The following MED12L variants were observed in gnomAD, a reference collection of about 807,000 sequenced individuals.
The protein encoded by MED12L is mediator of RNA polymerase II transcription subunit 12-like protein.
A neutral mutation model predicts 281.3 loss-of-function variants in MED12L; 60 were observed. That is an observed-to-expected ratio of 0.21 (90% confidence interval 0.17 to 0.26). MED12L has a LOEUF of 0.26. Ranked by LOEUF, MED12L falls within the 10% of genes least tolerant of loss-of-function variation. The pLI is 1.00. For missense variants in MED12L, 2,146 were observed against 2,680.9 expected, an observed-to-expected ratio of 0.80 and a Z score of 4.41; for synonymous variants, 974 against 987.2, an observed-to-expected ratio of 0.99 and a Z score of 0.25.
intron 2 of MED12L, among the ~76,000 whole-genome samples, chr3:151,101,513 G>A (rs770692820): frequency 3.9e-5 from 6 of 152,142 alleles, no homozygotes; most frequent in Admixed American, 2.6e-4. Flanking sequence ...AGAATGCTGC[G>A]TGAGTTCAGA....
intron 2 of MED12L, among the ~76,000 whole-genome samples, chr3:151,102,420 G>A (rs562342345): frequency 6.6e-6 from 1 of 152,222 alleles, no homozygotes; most frequent in East Asian, 1.9e-4. Context: ...AAAATTATAC[G>A]TTTAGCCCGT....
At chr3:151,118,313 C>T (rs1188632911) in intron 3 of MED12L, among the ~76,000 whole-genome samples, 1 of 152,094 alleles carries the variant, frequency 6.6e-6, no homozygotes, top group Non-Finnish European at 1.5e-5. Context: ...TTCCAGATCT[C>T]TCTTTATGTG....
chr3:151,092,103 G>A (rs1190440884), intron 2 of MED12L, among the ~76,000 whole-genome samples: 2 of 152,190 alleles, frequency 1.3e-5, no homozygotes, highest in African/African-American at 4.8e-5. Context: ...AACTTGCTGT[G>A]TGGTGGGACC....
At chr3:151,198,829 T>G in intron 16 of MED12L, 1 of 1,613,416 alleles carries the variant, frequency 6.2e-7, no homozygotes, top group Middle Eastern at 1.6e-4. Context: ...TTAAAAATAT[T>G]GCTACACATA....
intron 16 of MED12L, among the ~76,000 whole-genome samples, chr3:151,312,415 T>A (rs894469604): frequency 3.9e-5 from 6 of 152,226 alleles, no homozygotes; most frequent in African/African-American, 1.4e-4. Context: ...TACAGGGACT[T>A]CAGATCATTT....
intron 17 of MED12L, among the ~76,000 whole-genome samples, chr3:151,354,896 T>C (rs1276389028): frequency 6.6e-6 from 1 of 152,170 alleles, no homozygotes; most frequent in African/African-American, 2.4e-5. Context: ...TGTCAGGATT[T>C]TGATCTCCTA....
intron 16 of MED12L, among the ~76,000 whole-genome samples, chr3:151,230,504 A>G (rs1284014109): frequency 6.6e-6 from 1 of 151,210 alleles, no homozygotes; most frequent in Non-Finnish European, 1.5e-5. Context: ...TATACACTAC[A>G]CTTTGATGCT....
chr3:151,176,446 T>C (rs1256898587), intron 11 of MED12L, among the ~76,000 whole-genome samples: 3 of 152,230 alleles, frequency 2.0e-5, no homozygotes, highest in Non-Finnish European at 4.4e-5. Flanking sequence ...TAAACATATA[T>C]GAACACTTAA....
At chr3:151,430,266 T>A in intron 43 of MED12L, 33 bp from the exon 44 acceptor site, 1 of 1,613,140 alleles carries the variant, frequency 6.2e-7, no homozygotes, top group Non-Finnish European at 8.5e-7. Context: ...CACCATGGAA[T>A]GATTTCTGTC....
chr3:151,387,798 A>G lies in MED12L; in HGVS notation c.5089-12A>G, dbSNP rs1006093434. Reference sequence around the variant, plus strand: ...TCTGAGTGTGCTATCTTAGAGCGCTATTTTCCCACAGGGTCTCCAGGTCTC... The same window carrying G: ...TCTGAGTGTGCTATCTTAGAGCGCTGTTTTCCCACAGGGTCTCCAGGTCTC... On this transcript the variant is annotated splice_polypyrimidine_tract_variant and intron_variant, in intron 36 of 44. Transcript: ENST00000687756. The G allele has an allele frequency of 1.3e-5, 21 of 1,600,632 alleles. No individual in the cohort carries two copies. Among genetic ancestry groups the G allele is most frequent in the African/African-American group, 4.0e-5 (3 of 74,520 alleles).
chr3:151,348,180 T>G (rs889487797), intron 16 of MED12L, among the ~76,000 whole-genome samples: 34 of 151,928 alleles, frequency 2.2e-4, no homozygotes, highest in African/African-American at 6.8e-4. Context: ...TATGCTACAG[T>G]CATCAGCCTT....
At position 151,385,145 on chromosome 3, in the gene MED12L, C is replaced by A; in HGVS notation, c.5042C>A (p.Thr1681Lys). 1 of 1,599,062 alleles carries A rather than the reference C, an allele frequency of 6.3e-7. No homozygotes were observed. The highest frequency in any genetic ancestry group is 8.5e-7 in the Non-Finnish European group (1 of 1,173,188). The change falls in exon 36 of 45, where the codon ACA becomes AAA. Residue 1681 changes from threonine (T) to lysine (K), a missense_variant. Transcript: ENST00000687756. ...GAACCTATGGGTTCCTTGATTGACA[C>A]AAAAGGAAACAAAATTGCTGGATTT... ...TCEPMGSLID[T>K]KGNKIAGFDS... is the part of the protein sequence containing the mutation.
intron 16 of MED12L, among the ~76,000 whole-genome samples, chr3:151,281,038 G>A (rs1471953323): frequency 1.3e-5 from 2 of 151,246 alleles, no homozygotes; most frequent in Non-Finnish European, 2.9e-5. Context: ...AAGTATTAAT[G>A]TTTGAAAAAA....
At chr3:151,317,558 C>G (rs543910605) in intron 16 of MED12L, among the ~76,000 whole-genome samples, 1 of 140,608 alleles carries the variant, frequency 7.1e-6, no homozygotes, top group Non-Finnish European at 1.5e-5. Context: ...TCAAGTGATT[C>G]TCCTGCCTCA....
intron 11 of MED12L, among the ~76,000 whole-genome samples, chr3:151,172,750 T>C (rs1721589425): frequency 6.6e-6 from 1 of 152,182 alleles, no homozygotes; most frequent in African/African-American, 2.4e-5. Context: ...GCAAGGAAAA[T>C]GTGCATGGAT....
intron 3 of MED12L, among the ~76,000 whole-genome samples, chr3:151,119,486 T>C (rs1203079297): frequency 6.6e-6 from 1 of 152,150 alleles, no homozygotes; most frequent in Non-Finnish European, 1.5e-5. Context: ...CCGTGGTGTC[T>C]CCTCTTATAA....
chr3:151,127,763 G>A (rs1714748051), intron 4 of MED12L, 62 bp from the exon 5 acceptor site: 8 of 1,216,936 alleles, frequency 6.6e-6, no homozygotes, highest in Non-Finnish European at 9.2e-6. Context: ...CTTTATTTAG[G>A]TTTATCTAGT....
Position 151,433,666 on chromosome 3 carries a change from A to C in MED12L, c.*862A>C, listed in dbSNP as rs1719778312. On this transcript the variant is annotated 3_prime_UTR_variant, in exon 45 of 45. Coordinates refer to ENST00000687756, the MANE Select transcript of MED12L (RefSeq NM_001393769.1). Reference sequence around the variant, plus strand: ...TTCTCCTGAACCTTATGCCACCTTAAGGGGAAAAAAAAATCCAGTAGCTGG... The same window carrying C: ...TTCTCCTGAACCTTATGCCACCTTACGGGGAAAAAAAAATCCAGTAGCTGG... The C allele has an allele frequency of 6.6e-6, 1 of 152,558 alleles. No individual in the cohort carries two copies. The highest frequency in any genetic ancestry group is 6.5e-5 in the Admixed American group (1 of 15,276). The allele number at this position is 152,558 out of a possible 1,614,324, so 9.5% of individuals were successfully genotyped here.
chr3:151,402,873 G>A (rs145868804), intron 39 of MED12L, among the ~76,000 whole-genome samples: 3 of 151,974 alleles, frequency 2.0e-5, no homozygotes, highest in Non-Finnish European at 2.9e-5. Flanking sequence ...ACGTCATTAG[G>A]CTAAAAAATC....
Sources: gnomAD v4.1 joint callset for allele counts (sites outside exome capture counted in the v4.1 genomes callset) on GRCh38, gnomAD v4.1.1 for gene constraint, MANE v1.5 for transcripts, NCBI Gene and HGNC (gene_info 2026-07-23, HGNC 2026-07-21) for gene names.